TLK1: variants seen among roughly 807,000 people sequenced by gnomAD.
The protein encoded by TLK1 is serine/threonine-protein kinase tousled-like 1.
A neutral mutation model predicts 105.3 loss-of-function variants in TLK1; 24 were observed. The observed-to-expected ratio is 0.23, with a 90% CI of 0.17 to 0.32. TLK1 has a LOEUF of 0.32. TLK1 is among the 10% of genes least tolerant of loss of function. The probability of loss-of-function intolerance (pLI) is 1.00; values close to 1 mark genes in which losing one functional copy is unlikely to be tolerated. For missense variants in TLK1, 558 were observed against 910.5 expected, an observed-to-expected ratio of 0.61 and a Z score of 4.98; for synonymous variants, 321 against 310.4, an observed-to-expected ratio of 1.03 and a Z score of -0.36.
intron 12 of TLK1, among the ~76,000 whole-genome samples, chr2:171,025,078 C>T (rs150094534): frequency 5.5e-4 from 83 of 152,210 alleles, no homozygotes; most frequent in African/African-American, 1.9e-3. Flanking sequence ...TTTATTTTAG[C>T]CATGTATTTA....
chr2:171,074,642 A>AAAG (rs1553473190), intron 3 of TLK1, among the ~76,000 whole-genome samples: 9 of 150,604 alleles, frequency 6.0e-5, no homozygotes, highest in South Asian at 2.1e-4. Flanking sequence ...AAAAAAAAAA[A>AAAG]AAAGAAAGAA....
At chr2:171,222,530 C>T (rs1479562112) in intron 1 of TLK1, among the ~76,000 whole-genome samples, 4 of 151,964 alleles carry the variant, frequency 2.6e-5, no homozygotes, top group Non-Finnish European at 5.9e-5. Flanking sequence ...CAGGGTTTTG[C>T]CATGTTGCTC....
chr2:171,149,080 C>T (rs1164579730), intron 1 of TLK1, among the ~76,000 whole-genome samples: 2 of 107,434 alleles, frequency 1.9e-5, no homozygotes, highest in African/African-American at 7.1e-5. Context: ...AGTCATTTTT[C>T]ATCCTTTGAA....
rs868845338 is a variant in TLK1 at position 171,160,488 on chromosome 2, G to C, written c.-60C>G. ...CGACGGCAGCGGCGGCAACGGCACC[G>C]GCACCCGCCTCCGTCATGGCGGGGG... On this transcript the variant is annotated 5_prime_UTR_variant, in exon 1 of 21. Coordinates refer to ENST00000431350, the MANE Select transcript of TLK1 (RefSeq NM_012290.5). This position sits in a 1 kb window ranked among gnomAD's most constrained non-coding sequence, Gnocchi z 4.4. 1.9e-6 allele frequency: 3 copies of C among 1,569,084 alleles called. No individual in the cohort carries two copies. The African/African-American group carries it at 4.2e-5, about 22-fold the overall frequency.
At chr2:171,006,765 C>A (rs375648856) in intron 16 of TLK1, 35 bp downstream of exon 16, 2 of 1,598,958 alleles carry the variant, frequency 1.3e-6, no homozygotes, top group Non-Finnish European at 1.7e-6. Flanking sequence ...GCAAGCATAT[C>A]TTTCCTTAAA....
intron 3 of TLK1, among the ~76,000 whole-genome samples, chr2:171,081,289 CTG>C (rs1438095034): frequency 6.6e-6 from 1 of 152,092 alleles, no homozygotes; most frequent in Non-Finnish European, 1.5e-5. Flanking sequence ...GAATGTATAA[CTG>C]TGATAAGTGA....
At chr2:171,194,559 T>C (rs1226565841) in intron 1 of TLK1, among the ~76,000 whole-genome samples, 1 of 152,178 alleles carries the variant, frequency 6.6e-6, no homozygotes, top group Non-Finnish European at 1.5e-5. Context: ...GGCTCACGCC[T>C]GTAATCCCAG....
At chr2:171,077,119 A>G (rs1237852016) in intron 3 of TLK1, among the ~76,000 whole-genome samples, 1 of 152,192 alleles carries the variant, frequency 6.6e-6, no homozygotes, top group Non-Finnish European at 1.5e-5. Context: ...TAAAATTTTT[A>G]TCAGTCCTCA....
chr2:171,210,951 A>AT (rs989660921), intron 1 of TLK1, among the ~76,000 whole-genome samples: 1 of 152,238 alleles, frequency 6.6e-6, no homozygotes, highest in African/African-American at 2.4e-5. Context: ...CAGCAGGTAT[A>AT]TACAGCCGGA....
rs148300466 is a variant in TLK1 at position 170,998,950 on chromosome 2, T to C, written c.1905-1127A>G. Among the ~76,000 whole-genome samples the C allele has an allele frequency of 1.8e-3, 268 of 152,248 alleles. 2 individuals are homozygous for C. Among genetic ancestry groups the C allele is most frequent in the African/African-American group, 6.2e-3 (258 of 41,528 alleles). ...CACCCAGCTAATACTTTCTTCTTTG[T>C]AGTGATAGTCTTGTGCTGTTGACCA... is the stretch of plus-strand genomic sequence containing the variant. On this transcript the variant is annotated intron_variant, in intron 18 of 20. Transcript: ENST00000431350.
chr2:171,041,869 TTC>T (rs1232817222), intron 11 of TLK1, among the ~76,000 whole-genome samples: 1 of 152,256 alleles, frequency 6.6e-6, no homozygotes, highest in Non-Finnish European at 1.5e-5. Flanking sequence ...CAAAGCCATT[TTC>T]ATTAAACAAT....
intron 1 of TLK1, among the ~76,000 whole-genome samples, chr2:171,189,012 A>G (rs1316431608): frequency 2.0e-5 from 3 of 152,206 alleles, no homozygotes; most frequent in Non-Finnish European, 4.4e-5. Context: ...TTTTCATTTT[A>G]CAAAAGGACA....
chr2:171,223,943 T>C (rs1015774640), intron 1 of TLK1, among the ~76,000 whole-genome samples: 8 of 152,170 alleles, frequency 5.3e-5, no homozygotes, highest in South Asian at 2.1e-4. Context: ...GTCCAAAAGC[T>C]TTTTAGTTTG....
intron 1 of TLK1, among the ~76,000 whole-genome samples, chr2:171,191,119 C>T (rs1471292448): frequency 1.3e-5 from 2 of 151,818 alleles, no homozygotes; most frequent in Non-Finnish European, 2.9e-5. Flanking sequence ...GAGATCACGC[C>T]ACTGCACTCT....
intron 11 of TLK1, among the ~76,000 whole-genome samples, chr2:171,039,954 G>C (rs58126203): frequency 0.037 from 5,602 of 151,986 alleles, 418 homozygotes; most frequent in East Asian, 0.3. Context: ...TAAGTAAAGA[G>C]CAAAAAATAA....
At chr2:171,168,107 AT>A (rs1034035960) in intron 1 of TLK1, among the ~76,000 whole-genome samples, 1 of 152,088 alleles carries the variant, frequency 6.6e-6, no homozygotes, top group Non-Finnish European at 1.5e-5. Context: ...TGCAGCATAA[AT>A]TTTTTTGTAG....
chr2:171,003,544 C>T (rs1027877961), intron 18 of TLK1, among the ~76,000 whole-genome samples: 1 of 152,128 alleles, frequency 6.6e-6, no homozygotes, highest in Non-Finnish European at 1.5e-5. Flanking sequence ...GACAATATTG[C>T]ACTAAACATG....
At chr2:171,069,501 G>A (rs1487172402) in intron 3 of TLK1, among the ~76,000 whole-genome samples, 2 of 152,116 alleles carry the variant, frequency 1.3e-5, no homozygotes, top group South Asian at 2.1e-4. Context: ...TGAGGATGGC[G>A]GTAACAAGGC....
chr2:171,008,846 G>C (rs1053182920), intron 14 of TLK1, among the ~76,000 whole-genome samples: 2 of 152,194 alleles, frequency 1.3e-5, no homozygotes, highest in Admixed American at 6.5e-5. Context: ...CCTCACCTAT[G>C]AGGGTAAAAT....
Sources: gnomAD v4.1 joint callset for allele counts (sites outside exome capture counted in the v4.1 genomes callset) on GRCh38, gnomAD v4.1.1 for gene constraint, Gnocchi (gnomAD v3.1) non-coding constraint, MANE v1.5 for transcripts, NCBI Gene and HGNC (gene_info 2026-07-23, HGNC 2026-07-21) for gene names.